Variants in CNOT1 observed in about 807,000 individuals in gnomAD.
CNOT1 encodes CCR4-associated factor 1.
CNOT1 carries 15 observed loss-of-function variants against 273.8 expected under a neutral mutation model. The observed-to-expected ratio is 0.05, with a 90% confidence interval of 0.04 to 0.08. CNOT1 has a LOEUF of 0.08. Among genes scored for constraint, CNOT1 ranks in the 10% least tolerant of loss-of-function variants. The pLI, the probability that CNOT1 is intolerant of heterozygous loss-of-function variation, is 1.00. For synonymous variants in CNOT1, 1,022 were observed against 1,005.5 expected, an observed-to-expected ratio of 1.02 and a Z score of -0.31; for missense variants, 1,644 against 2,912.2, an observed-to-expected ratio of 0.56 and a Z score of 10.02.
At chr16:58,524,271 T>G (rs1179417219) in intron 46 of CNOT1, among the ~76,000 whole-genome samples, 2 of 115,728 alleles carry the variant, frequency 1.7e-5, no homozygotes, top group Admixed American at 8.6e-5. Flanking sequence ...AAAAAAAAAG[T>G]TTTGACCTCA....
chr16:58,588,498 A>G (rs2041949222), intron 3 of CNOT1, among the ~76,000 whole-genome samples: 3 of 152,136 alleles, frequency 2.0e-5, no homozygotes, highest in Admixed American at 6.6e-5. Flanking sequence ...TAGAGATTCA[A>G]TCCAGGACAT....
chr16:58,591,384 T>C (rs1178138901), intron 2 of CNOT1, among the ~76,000 whole-genome samples: 1 of 152,234 alleles, frequency 6.6e-6, no homozygotes, highest in Admixed American at 6.5e-5. Context: ...TTTCTGTAAC[T>C]CTTAATTTTT....
At chr16:58,557,148 T>C (rs928177071) in intron 18 of CNOT1, among the ~76,000 whole-genome samples, 155 bp from the exon 19 acceptor site, 2 of 152,230 alleles carry the variant, frequency 1.3e-5, no homozygotes, top group Admixed American at 1.3e-4. Flanking sequence ...TTATTACATC[T>C]ATTCAATTTT....
In CNOT1 at chr16:58,528,660, A is replaced by G. The variant is rs764522283; in HGVS notation, c.6280-12T>C. On this transcript the variant is annotated splice_polypyrimidine_tract_variant and intron_variant, in intron 43 of 48. Transcript: ENST00000317147. ...ACTCTTAAAGTGCCCTATTTTTAAA[A>G]AACAAGAAAAATATTTCCACACTAA... 1.3e-6 allele frequency: 2 copies of G among 1,582,796 alleles called. No homozygotes were observed. Among genetic ancestry groups the G allele is most frequent in the South Asian group, 2.3e-5 (2 of 86,982 alleles).
At chr16:58,562,752 G>A (rs1567409024) in intron 16 of CNOT1, among the ~76,000 whole-genome samples, 1 of 152,100 alleles carries the variant, frequency 6.6e-6, no homozygotes, top group Admixed American at 6.6e-5. Flanking sequence ...GAACCCGGGA[G>A]GCAGAGGATG....
chr16:58,525,855 C>T (rs1462940189), intron 45 of CNOT1, 134 bp downstream of exon 45: 3 of 739,228 alleles, frequency 4.1e-6, no homozygotes, highest in Admixed American at 5.1e-5. Context: ...ATACGTAAAT[C>T]CAGTTAATCA....
chr16:58,620,297 A>C (rs1016387989), intron 1 of CNOT1, among the ~76,000 whole-genome samples: 1 of 152,172 alleles, frequency 6.6e-6, no homozygotes, highest in Admixed American at 6.6e-5. Flanking sequence ...AGTACACCTG[A>C]GTTTGGACTA....
chr16:58,531,883 A>AATCTATAGG, intron 42 of CNOT1, 75 bp downstream of exon 42: 1 of 1,521,044 alleles, frequency 6.6e-7, no homozygotes, highest in Non-Finnish European at 8.9e-7. Flanking sequence ...GACTAATAGA[A>AATCTATAGG]ATCTATAGGC....
chr16:58,551,831 G>C lies in CNOT1; in HGVS notation c.2971-12C>G, dbSNP rs763063045. The stretch of plus-strand genomic sequence containing the variant: ...CCATACTCAATATACTAAAAGGGTA[G>C]GGAGAGGAAAAAGAGTTAACCTTAA... On this transcript the variant is annotated splice_polypyrimidine_tract_variant and intron_variant, in intron 22 of 48. Transcript: ENST00000317147. 1 of 1,612,596 alleles carries C rather than the reference G, an allele frequency of 6.2e-7. No homozygotes were observed. The highest frequency in any genetic ancestry group is 1.7e-5 in the Admixed American group (1 of 59,938).
intron 1 of CNOT1, among the ~76,000 whole-genome samples, chr16:58,607,860 T>C (rs973495578): frequency 6.6e-6 from 1 of 151,808 alleles, no homozygotes; most frequent in African/African-American, 2.4e-5. Flanking sequence ...GCCACGTAAA[T>C]ATATTGCATG....
chr16:58,626,630 C>T (rs1284617249), intron 1 of CNOT1, among the ~76,000 whole-genome samples: 2 of 151,232 alleles, frequency 1.3e-5, no homozygotes, highest in South Asian at 2.1e-4. Flanking sequence ...TGCAGTGGTG[C>T]GCGCCTGTAA....
Position 58,616,065 on chromosome 16 carries a change from C to T in CNOT1, c.-175+13663G>A, listed in dbSNP as rs375085078. ...GCAGCCTGGATGACAGGGCAAGACA[C>T]TGACTCTACCAAAAAAATAAAAAGT... On this transcript the variant is annotated intron_variant, in intron 1 of 48. Coordinates refer to ENST00000317147, the MANE Select transcript of CNOT1 (RefSeq NM_016284.5). Among the ~76,000 whole-genome samples the T allele has an allele frequency of 7.6e-4, 95 of 124,714 alleles. 13 individuals are homozygous for T. In the South Asian group the frequency reaches 0.021, roughly 27 times the overall value. The allele number at this position is 124,714 out of a possible 152,430, so 81.8% of individuals were successfully genotyped here. A position where few individuals can be genotyped will look rare whatever the true frequency, so the allele number is the denominator to read the frequency against.
intron 21 of CNOT1, 108 bp from the exon 22 acceptor site, chr16:58,553,968 T>G: frequency 1.5e-6 from 2 of 1,348,748 alleles, no homozygotes; most frequent in Non-Finnish European, 1.9e-6. Context: ...ATCTTACCTA[T>G]GAATAACTTA....
At chr16:58,550,260 T>A (rs533890303) in intron 24 of CNOT1, among the ~76,000 whole-genome samples, 1 of 152,254 alleles carries the variant, frequency 6.6e-6, no homozygotes, top group Non-Finnish European at 1.5e-5. Flanking sequence ...TAAATTTCCA[T>A]CTACAGGAAT....
At chr16:58,597,548 G>A in intron 2 of CNOT1, 1 of 266,148 alleles carries the variant, frequency 3.8e-6, no homozygotes, top group South Asian at 3.9e-5. Flanking sequence ...AAAAAAAGTT[G>A]AGAATGAATG....
chr16:58,592,220 T>C (rs970073628), intron 2 of CNOT1, among the ~76,000 whole-genome samples: 1 of 152,182 alleles, frequency 6.6e-6, no homozygotes, highest in African/African-American at 2.4e-5. Context: ...AGATTTTGTT[T>C]ATAAAATAGT....
In CNOT1 at chr16:58,531,578, C is replaced by G. The variant is rs377489294; in HGVS notation, c.6177+380G>C. ...TTATTCAGATATTTATGAGGGCACA[C>G]ATGGATTTCAACTTTAAAAACAACA... On this transcript the variant is annotated intron_variant, in intron 42 of 48. Coordinates refer to ENST00000317147, the MANE Select transcript of CNOT1 (RefSeq NM_016284.5). Among the ~76,000 whole-genome samples the G allele has an allele frequency of 7.2e-5, 11 of 152,222 alleles. No homozygotes were observed. The East Asian group carries it at 1.9e-3, about 27-fold the overall frequency.
intron 28 of CNOT1, 85 bp from the exon 29 acceptor site, chr16:58,546,583 T>C: frequency 6.2e-7 from 1 of 1,608,124 alleles, no homozygotes; most frequent in Non-Finnish European, 8.5e-7. Context: ...GTTATTATAG[T>C]ACTTCCCCCG....
Position 58,588,814 on chromosome 16 carries a change from G to A in CNOT1, c.195C>T (p.Gly65=), listed in dbSNP as rs1463043557. The part of the protein sequence containing the change: ...VDFSGDGKSS[G]KDFHQTQFLI... The stretch of plus-strand genomic sequence containing the variant: ...CCCCAAATACCTGATGGAAATCTTT[G>A]CCACTGCTTTTACCATCGCCACTGA... The change falls in exon 3 of 49, where the codon GGC becomes GGT. Residue 65 remains glycine (G), a synonymous_variant. Transcript: ENST00000317147. 17 of 1,613,646 alleles carry A rather than the reference G, an allele frequency of 1.1e-5. No homozygotes were observed. The highest frequency in any genetic ancestry group is 3.3e-5 in the South Asian group (3 of 90,996).
Sources: allele counts gnomAD v4.1 joint callset (sites outside exome capture counted in the v4.1 genomes callset), GRCh38; gene constraint gnomAD v4.1.1; transcripts MANE v1.5; gene names NCBI Gene and HGNC (gene_info 2026-07-23, HGNC 2026-07-21).